The following LRRC3B variants were observed in gnomAD, a reference collection of about 807,000 sequenced individuals.
LRRC3B encodes the protein leucine-rich repeat-containing protein 3B.
Under a neutral mutation model 12.8 loss-of-function variants are expected in LRRC3B, and 2 were observed. That is an observed-to-expected ratio of 0.16 (90% CI 0.06 to 0.49). The LOEUF is 0.49. LRRC3B is among the 20% of genes least tolerant of loss of function. The pLI is 0.96. For missense variants in LRRC3B, 189 were observed against 319.4 expected (o/e 0.59, Z 3.11); for synonymous variants, 132 against 122.0 (o/e 1.08, Z -0.54).
chr3:26,707,234 G>A lies in LRRC3B; in HGVS notation c.-160-2279G>A, dbSNP rs545715533. ...AAAAAAAATAGCTGGGCGTGGTGGT[G>A]TGTGCCTATAGTTCCAGATACTCGG... On this transcript the variant is annotated intron_variant, in intron 1 of 1. Transcript: ENST00000396641. Among the ~76,000 whole-genome samples the A allele has an allele frequency of 6.6e-5, 10 of 151,280 alleles. No individual in the cohort carries two copies. In the South Asian group the frequency reaches 1.5e-3, roughly 22 times the overall value.
intron 1 of LRRC3B, among the ~76,000 whole-genome samples, chr3:26,630,479 AT>A (rs1698733263): frequency 3.7e-5 from 1 of 26,746 alleles, no homozygotes; most frequent in East Asian, 4.1e-3. Context: ...CTCTTACATA[AT>A]AATGCCTCTA....
intron 1 of LRRC3B, among the ~76,000 whole-genome samples, chr3:26,691,047 G>GTA (rs1179399536): frequency 7.5e-6 from 1 of 132,590 alleles, no homozygotes; most frequent in Non-Finnish European, 1.6e-5. Flanking sequence ...GTGTATATAT[G>GTA]TATATATGTA....
chr3:26,643,667 C>T (rs1189925211), intron 1 of LRRC3B, among the ~76,000 whole-genome samples: 2 of 152,152 alleles, frequency 1.3e-5, no homozygotes, highest in African/African-American at 4.8e-5. Context: ...ACAAGGATTC[C>T]ATCACTGTCA....
chr3:26,628,423 G>GAA (rs35313598), intron 1 of LRRC3B, among the ~76,000 whole-genome samples: 1 of 134,120 alleles, frequency 7.5e-6, no homozygotes, highest in Non-Finnish European at 1.6e-5. Context: ...GAAGATACTG[G>GAA]AAAAAAAAAA....
rs139811454 is a variant in LRRC3B at position 26,708,184 on chromosome 3, G to A, written c.-160-1329G>A. ...AGAAAGTTGTTTGTTGTCCACTGCT[G>A]TAAGAGGACTGAATGCTCTTCTTGT... On this transcript the variant is annotated intron_variant, in intron 1 of 1. Coordinates refer to ENST00000396641, the Ensembl canonical transcript of LRRC3B. Among the ~76,000 whole-genome samples, 509 of 152,310 alleles carry A rather than the reference G, an allele frequency of 3.3e-3. 3 individuals carry two copies. The highest frequency in any genetic ancestry group is 0.011 in the African/African-American group (475 of 41,570).
intron 1 of LRRC3B, among the ~76,000 whole-genome samples, chr3:26,686,710 A>T (rs1488393740): frequency 1.3e-5 from 2 of 152,200 alleles, no homozygotes; most frequent in African/African-American, 4.8e-5. Flanking sequence ...CTGAGATGGG[A>T]TTTGGCATGC....
At chr3:26,654,641 G>A (rs1699333806) in intron 1 of LRRC3B, among the ~76,000 whole-genome samples, 1 of 152,194 alleles carries the variant, frequency 6.6e-6, no homozygotes. Flanking sequence ...TGTGTAGTGG[G>A]ACAGTGCAAA....
chr3:26,634,572 C>T, intron 1 of LRRC3B, among the ~76,000 whole-genome samples: 1 of 152,172 alleles, frequency 6.6e-6, no homozygotes, highest in African/African-American at 2.4e-5. Flanking sequence ...GTTCAATTCA[C>T]CTCGACATGG....
intron 1 of LRRC3B, among the ~76,000 whole-genome samples, chr3:26,648,814 G>A (rs563944314): frequency 2.6e-5 from 4 of 152,148 alleles, no homozygotes; most frequent in African/African-American, 2.4e-5. Flanking sequence ...TTGCAACACC[G>A]AACTTGTAAT....
exon 2 of LRRC3B, chr3:26,710,659 G>T: frequency 2.1e-6 from 1 of 469,164 alleles, no homozygotes; most frequent in South Asian, 5.3e-5. Flanking sequence ...ACCCCCGATG[G>T]TATATTTCTG....
chr3:26,640,778 G>A (rs113956545), intron 1 of LRRC3B, among the ~76,000 whole-genome samples: 9 of 152,214 alleles, frequency 5.9e-5, no homozygotes, highest in African/African-American at 1.4e-4. Flanking sequence ...GACATGGAGA[G>A]CACAAGAGTC....
At chr3:26,668,917 T>C (rs1699663618) in intron 1 of LRRC3B, among the ~76,000 whole-genome samples, 1 of 152,178 alleles carries the variant, frequency 6.6e-6, no homozygotes, top group Non-Finnish European at 1.5e-5. Flanking sequence ...GTTCAGTAGT[T>C]CCTATTTGGC....
intron 1 of LRRC3B, among the ~76,000 whole-genome samples, chr3:26,640,538 C>T (rs1000046454): frequency 6.6e-6 from 1 of 152,088 alleles, no homozygotes; most frequent in African/African-American, 2.4e-5. Context: ...CTTTCTCATT[C>T]ATCCTCTTTT....
intron 1 of LRRC3B, among the ~76,000 whole-genome samples, chr3:26,659,835 A>C (rs1431814412): frequency 6.6e-6 from 1 of 152,164 alleles, no homozygotes; most frequent in African/African-American, 2.4e-5. Flanking sequence ...GTCTTCTCTG[A>C]AGTGTTAGCC....
intron 1 of LRRC3B, among the ~76,000 whole-genome samples, chr3:26,644,417 A>G (rs1272007775): frequency 2.0e-5 from 3 of 152,228 alleles, no homozygotes; most frequent in Non-Finnish European, 4.4e-5. Flanking sequence ...TCTACTTCAT[A>G]TTGGTCATAC....
chr3:26,663,304 A>G (rs900832265), intron 1 of LRRC3B, among the ~76,000 whole-genome samples: 1 of 152,042 alleles, frequency 6.6e-6, no homozygotes, highest in African/African-American at 2.4e-5. Flanking sequence ...GCTCACATTA[A>G]TCATGTTTTT....
intron 1 of LRRC3B, among the ~76,000 whole-genome samples, chr3:26,688,409 T>G (rs1175962307): frequency 1.3e-5 from 2 of 152,328 alleles, no homozygotes; most frequent in East Asian, 3.9e-4. Context: ...ATTAGCCTAT[T>G]CCTAGATTTC....
intron 1 of LRRC3B, among the ~76,000 whole-genome samples, chr3:26,640,458 C>G (rs76931186): frequency 1.2e-5 from 1 of 82,410 alleles, no homozygotes; most frequent in Non-Finnish European, 2.5e-5. Flanking sequence ...AAAACAAAAA[C>G]AAACAAACAA....
In LRRC3B at chr3:26,636,918, CTT is replaced by C. The variant is rs1401310108; in HGVS notation, c.-161+13683_-161+13684del. On this transcript the variant is annotated intron_variant, in intron 1 of 1. Coordinates refer to ENST00000396641, the Ensembl canonical transcript of LRRC3B. ...TCTCTCTCTCTTTCTCTCTTTCTCT[CTT>C]TCTTTCTTTCTTTCTTTCTTTCTTT... Among the ~76,000 whole-genome samples the C allele has an allele frequency of 2.3e-4, 11 of 47,854 alleles. 2 individuals carry two copies. In the South Asian group the frequency reaches 4.5e-3, roughly 20 times the overall value. The allele number at this position is 47,854 out of a possible 152,430, so 31.4% of individuals were successfully genotyped here.
Sources: allele counts gnomAD v4.1 joint callset (sites outside exome capture counted in the v4.1 genomes callset), GRCh38; gene constraint gnomAD v4.1.1; transcripts MANE v1.5; gene names NCBI Gene and HGNC (gene_info 2026-07-23, HGNC 2026-07-21).